The following POC1B variants were observed in gnomAD, a reference collection of about 807,000 sequenced individuals.
POC1B encodes the protein POC1 centriolar protein B.
Under a neutral mutation model 60.6 loss-of-function variants are expected in POC1B, and 44 were observed. The ratio of observed to expected loss-of-function variants is 0.73; its 90% confidence interval spans 0.57 to 0.93. The LOEUF (loss-of-function observed/expected upper bound fraction) is 0.93. POC1B is among the 40% of genes least tolerant of loss of function. The probability of loss-of-function intolerance (pLI) is 0.00; values close to 1 mark genes in which losing one functional copy is unlikely to be tolerated. For missense variants in POC1B, 555 were observed against 572.3 expected (o/e 0.97, Z 0.31); for synonymous variants, 180 against 198.9 (o/e 0.90, Z 0.80).
chr12:89,433,287 C>T (rs1364206904), intron 10 of POC1B, among the ~76,000 whole-genome samples: 1 of 152,046 alleles, frequency 6.6e-6, no homozygotes, highest in East Asian at 1.9e-4. Flanking sequence ...CAAATGTGTG[C>T]TGATAGAAAG....
intron 10 of POC1B, among the ~76,000 whole-genome samples, chr12:89,449,712 T>C (rs1310870715): frequency 6.6e-6 from 1 of 152,050 alleles, no homozygotes; most frequent in Non-Finnish European, 1.5e-5. Context: ...AGGAAAGTTT[T>C]GAAGGAAAAA....
intron 6 of POC1B, among the ~76,000 whole-genome samples, chr12:89,470,940 G>A (rs1419285329): frequency 2.0e-5 from 3 of 152,190 alleles, no homozygotes; most frequent in African/African-American, 2.4e-5. Flanking sequence ...CCTTCCAACA[G>A]GAGGCAGTAT....
intron 2 of POC1B, among the ~76,000 whole-genome samples, chr12:89,509,062 A>G (rs558737792): frequency 6.6e-6 from 1 of 152,346 alleles, no homozygotes; most frequent in Admixed American, 6.5e-5. Context: ...GCATCCTTTC[A>G]TAATTTTCTA....
intron 10 of POC1B, chr12:89,427,476 T>C (rs1880817650): frequency 6.6e-6 from 1 of 152,158 alleles, no homozygotes; most frequent in African/African-American, 2.4e-5. Flanking sequence ...GAGGATTGCT[T>C]GAGGCCAAGA....
At chr12:89,410,926 AG>A in the POC1B span, among the ~76,000 whole-genome samples, 1 of 152,224 alleles carries the variant, frequency 6.6e-6, no homozygotes, top group Non-Finnish European at 1.5e-5. Flanking sequence ...GCAAAGTCTC[AG>A]GATATGAAAT....
intron 2 of POC1B, chr12:89,524,761 C>A: frequency 1.6e-6 from 1 of 635,184 alleles, no homozygotes; most frequent in Non-Finnish European, 2.8e-6. Context: ...TCTCTCCCTA[C>A]TTCCTCCTGC....
chr12:89,446,175 C>A (rs1181684508), intron 10 of POC1B, among the ~76,000 whole-genome samples: 1 of 152,152 alleles, frequency 6.6e-6, no homozygotes, highest in Non-Finnish European at 1.5e-5. Context: ...ACTAGTTCAA[C>A]CATTGTGGAA....
At position 89,472,174 on chromosome 12, in the gene POC1B, G is replaced by A. The variant is rs1435597219; in HGVS notation, c.554C>T (p.Ser185Phe). ...NKQCVNNFSD[S>F]VGFANFVDFN... Reference sequence around the variant, plus strand: ...ACAAAGAAAGTGTACTTACCCAACGGAATCTGAGAAGTTATTAACACATTG... The same window carrying A: ...ACAAAGAAAGTGTACTTACCCAACGAAATCTGAGAAGTTATTAACACATTG... The change falls in exon 5 of 12, where the codon TCC becomes TTC. Residue 185 changes from serine (S) to phenylalanine (F), a missense_variant. Ser to Phe is a radical substitution (Grantham distance 155). Transcript: ENST00000313546. 6.3e-7 allele frequency: 1 copy of A among 1,575,118 alleles called. No individual in the cohort carries two copies. The highest frequency in any genetic ancestry group is 8.7e-7 in the Non-Finnish European group (1 of 1,146,988).
chr12:89,499,212 G>C (rs1869417602), intron 2 of POC1B, among the ~76,000 whole-genome samples: 1 of 152,156 alleles, frequency 6.6e-6, no homozygotes, highest in African/African-American at 2.4e-5. Context: ...TTCTTCTAAA[G>C]TGCAATGTGC....
intron 2 of POC1B, chr12:89,501,341 G>A: frequency 2.0e-6 from 2 of 990,182 alleles, no homozygotes; most frequent in African/African-American, 1.6e-5. Context: ...TCATCTGGAA[G>A]CAAAAGGACT....
intron 10 of POC1B, among the ~76,000 whole-genome samples, chr12:89,446,518 C>T (rs113091746): frequency 0.025 from 3,874 of 152,136 alleles, 75 homozygotes; most frequent in Non-Finnish European, 0.036. Flanking sequence ...AACCAAACAC[C>T]GCATGTTCTC....
intron 4 of POC1B, among the ~76,000 whole-genome samples, chr12:89,490,620 C>T (rs1268522813): frequency 1.3e-5 from 2 of 152,148 alleles, no homozygotes; most frequent in Non-Finnish European, 1.5e-5. Flanking sequence ...GCTGGGATTA[C>T]AAGCATGAGC....
At chr12:89,408,458 T>C in the POC1B span, among the ~76,000 whole-genome samples, 1 of 151,212 alleles carries the variant, frequency 6.6e-6, no homozygotes, top group Non-Finnish European at 1.5e-5. Flanking sequence ...CCACAACTGC[T>C]CCAGCATGTG....
chr12:89,476,759 T>C (rs12426008), intron 4 of POC1B, among the ~76,000 whole-genome samples: 3,563 of 58,360 alleles, frequency 0.061, 45 homozygotes, highest in Non-Finnish European at 0.078. Context: ...GATAGATAGA[T>C]AGACAGACAG....
At chr12:89,476,705 G>GAT (rs1883118784) in intron 4 of POC1B, among the ~76,000 whole-genome samples, 2 of 37,462 alleles carry the variant, frequency 5.3e-5, no homozygotes, top group Admixed American at 2.6e-4. Flanking sequence ...TCAATAGATA[G>GAT]ATAGATAGAT....
chr12:89,513,429 C>G (rs1870282986), intron 2 of POC1B, among the ~76,000 whole-genome samples: 2 of 152,094 alleles, frequency 1.3e-5, no homozygotes, highest in Non-Finnish European at 1.5e-5. Flanking sequence ...GAATCAATGA[C>G]AGGATAACCT....
intron 2 of POC1B, chr12:89,500,313 C>A: frequency 6.5e-7 from 1 of 1,528,214 alleles, no homozygotes. Flanking sequence ...ATTCAGTCAC[C>A]AAGCAAAGAG....
At chr12:89,449,591 T>C (rs964180904) in intron 10 of POC1B, among the ~76,000 whole-genome samples, 2 of 152,202 alleles carry the variant, frequency 1.3e-5, no homozygotes, top group African/African-American at 4.8e-5. Flanking sequence ...TTGGCAATTC[T>C]CAAATTATTT....
At chr12:89,405,079 C>A in the POC1B span, among the ~76,000 whole-genome samples, 17 of 152,224 alleles carry the variant, frequency 1.1e-4, no homozygotes, top group South Asian at 3.5e-3. Context: ...CAAATGGATA[C>A]CTTTCCATGT....
Sources: allele counts gnomAD v4.1 joint callset (sites outside exome capture counted in the v4.1 genomes callset), GRCh38; gene constraint gnomAD v4.1.1; transcripts MANE v1.5; gene names NCBI Gene and HGNC (gene_info 2026-07-23, HGNC 2026-07-21).